The following SORCS1 variants were observed in gnomAD, a reference collection of about 807,000 sequenced individuals.
SORCS1 encodes the protein VPS10 domain-containing receptor SorCS1.
A neutral mutation model predicts 146.1 loss-of-function variants in SORCS1; 60 were observed. The ratio of observed to expected loss-of-function variants is 0.41; its 90% CI spans 0.33 to 0.51. SORCS1 has a LOEUF of 0.51. SORCS1 is among the 20% of genes least tolerant of loss of function. SORCS1 has a pLI of 0.21. For synonymous variants in SORCS1, 637 were observed against 584.0 expected (o/e 1.09, Z -1.31); for missense variants, 1,352 against 1,487.6 (o/e 0.91, Z 1.50).
chr10:106,944,737 G>A (rs1020368972), intron 2 of SORCS1, among the ~76,000 whole-genome samples: 1 of 151,964 alleles, frequency 6.6e-6, no homozygotes, highest in Admixed American at 6.6e-5. Context: ...CAAGGTCTCT[G>A]CCCTCAGCGA....
intron 2 of SORCS1, among the ~76,000 whole-genome samples, chr10:106,925,661 T>G (rs1356981414): frequency 6.6e-6 from 1 of 152,218 alleles, no homozygotes; most frequent in African/African-American, 2.4e-5. Context: ...CTTTTATATC[T>G]AGATAACCTA....
rs201189331 is a variant in SORCS1 at position 106,597,371 on chromosome 10, T to C, written c.3245A>G (p.His1082Arg). ...CTGACCCGCTGTTAAGTGAGCAGCA[T>C]GGACAAGGACTCGGACTCCTGGCTT... Reference protein sequence around the residue: ...ELKPGVRVLVHAAHLTAAPLV... With the variant: ...ELKPGVRVLVRAAHLTAAPLV... Residue 1082 changes from histidine to arginine, a missense_variant, in exon 24 of 26, where the codon CAT becomes CGT. Transcript: ENST00000263054. The C allele has an allele frequency of 4.6e-5, 75 of 1,613,966 alleles. No individual in the cohort carries two copies. In the East Asian group the frequency reaches 1.3e-3, roughly 27 times the overall value.
chr10:106,756,143 AT>A (rs1384338461), intron 5 of SORCS1, among the ~76,000 whole-genome samples: 60 of 152,262 alleles, frequency 3.9e-4, no homozygotes, highest in African/African-American at 1.4e-3. Flanking sequence ...AAAAAAATAA[AT>A]AAAATAAGTA....
intron 1 of SORCS1, among the ~76,000 whole-genome samples, chr10:107,084,250 C>T (rs1332150525): frequency 6.6e-6 from 1 of 150,422 alleles, no homozygotes; most frequent in Non-Finnish European, 1.5e-5. Context: ...TGCCCACCAC[C>T]ATACCCGGCT....
intron 2 of SORCS1, among the ~76,000 whole-genome samples, chr10:106,931,585 CAG>C (rs1279631025): frequency 6.6e-6 from 1 of 152,180 alleles, no homozygotes; most frequent in Non-Finnish European, 1.5e-5. Context: ...ACTCCTGAAC[CAG>C]AGAGCCACTA....
chr10:106,788,186 G>A (rs1946147451), intron 3 of SORCS1, among the ~76,000 whole-genome samples: 1 of 152,110 alleles, frequency 6.6e-6, no homozygotes, highest in Non-Finnish European at 1.5e-5. Context: ...AGCATGAGGG[G>A]AACCACCCTC....
chr10:106,751,828 A>G (rs1040840153), intron 5 of SORCS1, among the ~76,000 whole-genome samples: 6 of 152,070 alleles, frequency 3.9e-5, no homozygotes, highest in African/African-American at 1.4e-4. Flanking sequence ...GAATTTTAGT[A>G]CCCTGTGTGT....
chr10:107,177,597 T>C, the SORCS1 span, among the ~76,000 whole-genome samples: 1 of 152,218 alleles, frequency 6.6e-6, no homozygotes, highest in South Asian at 2.1e-4. Flanking sequence ...ATAATTAATT[T>C]TTTTACTTTA....
At chr10:106,766,216 G>C (rs1386254942) in intron 4 of SORCS1, among the ~76,000 whole-genome samples, 2 of 152,068 alleles carry the variant, frequency 1.3e-5, no homozygotes, top group Admixed American at 6.5e-5. Context: ...TGGAAGCAGG[G>C]GGCCTGCAAA....
intron 6 of SORCS1, among the ~76,000 whole-genome samples, chr10:106,725,371 G>C (rs1856074308): frequency 6.6e-6 from 1 of 151,468 alleles, no homozygotes; most frequent in Non-Finnish European, 1.5e-5. Flanking sequence ...CCAACATAGT[G>C]AAACCCCATC....
chr10:107,077,790 C>A (rs1457806967), intron 1 of SORCS1, among the ~76,000 whole-genome samples: 2 of 151,954 alleles, frequency 1.3e-5, no homozygotes, highest in Non-Finnish European at 2.9e-5. Context: ...TCCAGAAAAT[C>A]TACTCTAAAT....
In SORCS1 at chr10:107,152,803, G is replaced by A. The variant is rs111720960; in HGVS notation, c.558+11166C>T. 9.2e-5 allele frequency among the ~76,000 whole-genome samples: 14 copies of A among 152,246 alleles called. 1 individual carries two copies. Among genetic ancestry groups the A allele is most frequent in the African/African-American group, 3.4e-4 (14 of 41,534 alleles). ...ATGTCTTTATTAGCAGCATGAGAAT[G>A]GACTAATACACTCACTGACACTTTT... On this transcript the variant is annotated intron_variant, in intron 1 of 25. Transcript: ENST00000263054.
At chr10:106,780,570 T>C (rs994725089) in intron 3 of SORCS1, among the ~76,000 whole-genome samples, 1 of 152,228 alleles carries the variant, frequency 6.6e-6, no homozygotes, top group African/African-American at 2.4e-5. Flanking sequence ...AATAAATGAA[T>C]GAGTCCTTTT....
chr10:107,022,451 C>A (rs772955344), intron 1 of SORCS1, among the ~76,000 whole-genome samples: 1 of 152,050 alleles, frequency 6.6e-6, no homozygotes, highest in African/African-American at 2.4e-5. Context: ...AATTAACAAT[C>A]ATTGAGGTCC....
At position 106,672,995 on chromosome 10, in the gene SORCS1, T is replaced by C. The variant is rs751296548; in HGVS notation, c.1941-10A>G. ...GAAGTGTCCAAACACTCTACAGAGT[T>C]CATGGTGATAAAAATAATTACAATG... On this transcript the variant is annotated splice_polypyrimidine_tract_variant and intron_variant, in intron 14 of 25. Coordinates refer to ENST00000263054, the MANE Select transcript of SORCS1 (RefSeq NM_052918.5). 2.5e-6 allele frequency: 4 copies of C among 1,604,762 alleles called. No individual in the cohort carries two copies. Among genetic ancestry groups the C allele is most frequent in the Admixed American group, 1.7e-5 (1 of 59,842 alleles).
Position 106,676,860 on chromosome 10 carries a change from G to A in SORCS1, c.1832+453C>T, listed in dbSNP as rs186679670. Among the ~76,000 whole-genome samples, 453 of 152,234 alleles carry A rather than the reference G, an allele frequency of 3.0e-3. 3 individuals are homozygous for A. Among genetic ancestry groups the A allele is most frequent in the Non-Finnish European group, 5.2e-3 (354 of 68,008 alleles). On this transcript the variant is annotated intron_variant, in intron 13 of 25. Coordinates refer to ENST00000263054, the MANE Select transcript of SORCS1 (RefSeq NM_052918.5). ...ATCAGGCCTCCCAGGTAGTATCAAG[G>A]AGCTGAAACTTACCAGATAAAGACA... is the stretch of plus-strand genomic sequence containing the variant.
chr10:107,171,787 C>A, the SORCS1 span, among the ~76,000 whole-genome samples: 1 of 152,084 alleles, frequency 6.6e-6, no homozygotes, highest in East Asian at 1.9e-4. Flanking sequence ...TGTAAGCCAC[C>A]ATGCCCAGCC....
At chr10:107,172,924 A>G in the SORCS1 span, among the ~76,000 whole-genome samples, 1 of 152,222 alleles carries the variant, frequency 6.6e-6, no homozygotes, top group Non-Finnish European at 1.5e-5. Flanking sequence ...AATGTTTGTT[A>G]GCATTTTTAA....
chr10:106,857,806 A>G (rs1949849029), intron 2 of SORCS1, among the ~76,000 whole-genome samples: 2 of 152,226 alleles, frequency 1.3e-5, no homozygotes, highest in East Asian at 1.9e-4. Context: ...GGATTCCACT[A>G]GTCTACCCAC....
Sources: allele counts gnomAD v4.1 joint callset (sites outside exome capture counted in the v4.1 genomes callset), GRCh38; gene constraint gnomAD v4.1.1; transcripts MANE v1.5; gene names NCBI Gene and HGNC (gene_info 2026-07-23, HGNC 2026-07-21).